The following CIB2 variants were observed in gnomAD, a reference collection of about 807,000 sequenced individuals.
The protein encoded by CIB2 is calcium and integrin-binding family member 2.
In CIB2, 19 loss-of-function variants were observed where a neutral mutation model predicts 23.1. That is an observed-to-expected ratio of 0.82 (90% CI 0.57 to 1.21). The LOEUF is 1.21. Ranked by LOEUF, CIB2 falls within the 50% of genes most tolerant of loss-of-function variation. The probability of loss-of-function intolerance (pLI) is 0.00; values close to 1 mark genes in which losing one functional copy is unlikely to be tolerated. For missense variants in CIB2, 220 were observed against 241.5 expected, an observed-to-expected ratio of 0.91 and a Z score of 0.59; for synonymous variants, 94 against 91.7, an observed-to-expected ratio of 1.03 and a Z score of -0.14.
chr15:78,113,234 C>T (rs1284445821), intron 2 of CIB2, among the ~76,000 whole-genome samples: 1 of 152,170 alleles, frequency 6.6e-6, no homozygotes, highest in African/African-American at 2.4e-5. Flanking sequence ...CAGTAAAATG[C>T]CACATGCCCA....
chr15:78,115,792 C>G (rs12438507), intron 2 of CIB2, among the ~76,000 whole-genome samples: 27,023 of 150,102 alleles, frequency 0.18, 2,864 homozygotes, highest in Non-Finnish European at 0.24. Context: ...ATTTTCCTGC[C>G]TCAACCTCCT....
Position 78,111,166 on chromosome 15 carries a change from C to G in CIB2, c.197G>C (p.Arg66Pro). ...MSLIIQMPEL[R>P]ENPFKERIVA... ...GCCAGCAAGAGGTCCTGCACATACCCGGAGCTCTGGCATCTGGATGATGAG... is the reference window on the plus strand; with the variant it reads ...GCCAGCAAGAGGTCCTGCACATACCGGGAGCTCTGGCATCTGGATGATGAG... The change falls in exon 3 of 6, where the codon CGG (arginine) becomes CCG (proline). Residue 66 changes from arginine (R) to proline (P), a missense_variant and splice_region_variant. Arg to Pro is a moderately radical substitution (Grantham distance 103). Transcript: ENST00000258930. The G allele has an allele frequency of 6.2e-7, 1 of 1,613,624 alleles. No individual in the cohort carries two copies. Among genetic ancestry groups the G allele is most frequent in the Non-Finnish European group, 8.5e-7 (1 of 1,179,596 alleles).
intron 4 of CIB2, among the ~76,000 whole-genome samples, chr15:78,106,231 G>A (rs754359720): frequency 2.6e-5 from 4 of 152,222 alleles, no homozygotes; most frequent in Non-Finnish European, 5.9e-5. Context: ...GCTTAGGCCA[G>A]ATAGCCCTTC....
intron 1 of CIB2, among the ~76,000 whole-genome samples, chr15:78,130,711 C>T (rs936779047): frequency 1.3e-5 from 2 of 152,164 alleles, no homozygotes; most frequent in East Asian, 1.9e-4. Context: ...CATGTGGGGA[C>T]TGATGCACCC....
intron 3 of CIB2, 50 bp from the exon 4 acceptor site, chr15:78,109,432 G>A (rs2141887653): frequency 6.2e-7 from 1 of 1,610,100 alleles, no homozygotes; most frequent in South Asian, 1.1e-5. Flanking sequence ...TAAGCAGGAG[G>A]GCCCCGGAGC....
intron 2 of CIB2, among the ~76,000 whole-genome samples, chr15:78,113,292 G>A (rs1181515394): frequency 6.6e-6 from 1 of 152,190 alleles, no homozygotes; most frequent in Admixed American, 6.5e-5. Flanking sequence ...TTACAAGGAT[G>A]TGCCATGACT....
intron 2 of CIB2, among the ~76,000 whole-genome samples, chr15:78,118,290 T>TC (rs2074268292): frequency 6.6e-6 from 1 of 152,158 alleles, no homozygotes; most frequent in South Asian, 2.1e-4. Context: ...TATCTTTTTT[T>TC]AACTTTAAAA....
chr15:78,124,784 G>C (rs1385120774), intron 1 of CIB2, among the ~76,000 whole-genome samples: 1 of 152,186 alleles, frequency 6.6e-6, no homozygotes, highest in Non-Finnish European at 1.5e-5. Flanking sequence ...GATGAGGAGT[G>C]AATGGCTGAA....
At position 78,131,085 on chromosome 15, in the gene CIB2, G is replaced by A; in HGVS notation, c.51+80C>T. On this transcript the variant is annotated intron_variant, in intron 1 of 5. Transcript: ENST00000258930. This position sits in a 1 kb window ranked among gnomAD's most constrained non-coding sequence, Gnocchi z 5.8. ...AACCTGGGAGAGCTGGCTCTCGGGA[G>A]GCCTCGGCCAGCGACCGAGAAAAGG... 7.7e-7 allele frequency: 1 copy of A among 1,297,910 alleles called. No homozygotes were observed. The highest frequency in any genetic ancestry group is 1.1e-6 in the Non-Finnish European group (1 of 945,420). The allele number at this position is 1,297,910 out of a possible 1,614,324, so 80.4% of individuals were successfully genotyped here. A position where few individuals can be genotyped will look rare whatever the true frequency, so the allele number is the denominator to read the frequency against.
At chr15:78,106,968 C>T (rs755466960) in intron 4 of CIB2, among the ~76,000 whole-genome samples, 4 of 152,074 alleles carry the variant, frequency 2.6e-5, no homozygotes, top group Non-Finnish European at 4.4e-5. Flanking sequence ...GTGGTTCACG[C>T]CTGTAATCCC....
intron 2 of CIB2, among the ~76,000 whole-genome samples, chr15:78,113,088 C>T (rs2074184247): frequency 6.6e-6 from 1 of 152,182 alleles, no homozygotes. Context: ...TCTTCCCCAT[C>T]CTACACAGCC....
At chr15:78,124,908 CACA>C (rs2074363050) in intron 1 of CIB2, among the ~76,000 whole-genome samples, 1 of 152,314 alleles carries the variant, frequency 6.6e-6, no homozygotes, top group South Asian at 2.1e-4. Flanking sequence ...GCAGGATGCA[CACA>C]ACATCTGGGG....
chr15:78,118,820 T>C (rs2074277853), intron 2 of CIB2, among the ~76,000 whole-genome samples: 1 of 152,074 alleles, frequency 6.6e-6, no homozygotes, highest in Non-Finnish European at 1.5e-5. Flanking sequence ...TCTGTACTAA[T>C]CAATAAGTTC....
chr15:78,105,826 A>C lies in CIB2; in HGVS notation c.455T>G (p.Val152Gly). ...EEEVVLVCDK[V>G]IEEADLDGDG... ...ACCGTCCAAGTCAGCCTCCTCAATGACCTTGTCGCACACAAGCACCACCTC... is the reference window on the plus strand; with the variant it reads ...ACCGTCCAAGTCAGCCTCCTCAATGCCCTTGTCGCACACAAGCACCACCTC... The change falls in exon 5 of 6, where the codon GTC (valine) becomes GGC (glycine). Residue 152 changes from valine to glycine, a missense_variant. Physicochemically the swap from Val to Gly is moderately radical, Grantham distance 109. Coordinates refer to ENST00000258930, the MANE Select transcript of CIB2 (RefSeq NM_006383.4). 6.2e-7 allele frequency: 1 copy of C among 1,614,020 alleles called. No individual in the cohort carries two copies. Among genetic ancestry groups the C allele is most frequent in the South Asian group, 1.1e-5 (1 of 91,070 alleles).
chr15:78,125,610 T>C (rs1190882552), intron 1 of CIB2, among the ~76,000 whole-genome samples: 2 of 152,208 alleles, frequency 1.3e-5, no homozygotes, highest in African/African-American at 4.8e-5. Flanking sequence ...AGCATCAGCC[T>C]CACTGGGAAC....
chr15:78,112,888 C>T lies in CIB2; in HGVS notation c.87-1612G>A, dbSNP rs561863581. Among the ~76,000 whole-genome samples, 16 of 152,308 alleles carry T rather than the reference C, an allele frequency of 1.1e-4. No individual in the cohort carries two copies. The South Asian group carries it at 2.5e-3, about 24-fold the overall frequency. On this transcript the variant is annotated intron_variant, in intron 2 of 5. Transcript: ENST00000258930. ...GCTGCCTACTGTCCTTAGCAAGGCACCTGACTACTTACCCAGCTCAAACAG... is the reference window on the plus strand; with the variant it reads ...GCTGCCTACTGTCCTTAGCAAGGCATCTGACTACTTACCCAGCTCAAACAG...
intron 2 of CIB2, chr15:78,120,845 G>C (rs1228955036): frequency 1.9e-6 from 1 of 521,630 alleles, no homozygotes; most frequent in African/African-American, 2.1e-5. Flanking sequence ...CATCCTGGTG[G>C]GGGTGGGGAG....
intron 4 of CIB2, among the ~76,000 whole-genome samples, 184 bp downstream of exon 4, chr15:78,109,051 C>A (rs2074112939): frequency 6.6e-6 from 1 of 152,222 alleles, no homozygotes; most frequent in Admixed American, 6.5e-5. Context: ...AGGACCCTCA[C>A]AGATGTCTCT....
Position 78,105,162 on chromosome 15 carries a change from T to C in CIB2, c.*149A>G. The C allele has an allele frequency of 1.2e-6, 1 of 814,214 alleles. No homozygotes were observed. Among genetic ancestry groups the C allele is most frequent in the East Asian group, 3.6e-5 (1 of 27,882 alleles). The allele number at this position is 814,214 out of a possible 1,614,324, so 50.4% of individuals were successfully genotyped here. A position where few individuals can be genotyped will look rare whatever the true frequency, so the allele number is the denominator to read the frequency against. The stretch of plus-strand genomic sequence containing the variant: ...TCACAGGCCCCCTTCCTGGTTAAGG[T>C]TTTTTTTTTGCTGAAAGGGCCACAG... On this transcript the variant is annotated 3_prime_UTR_variant, in exon 6 of 6. Coordinates refer to ENST00000258930, the MANE Select transcript of CIB2 (RefSeq NM_006383.4).
Sources: gnomAD v4.1 joint callset for allele counts (sites outside exome capture counted in the v4.1 genomes callset) on GRCh38, gnomAD v4.1.1 for gene constraint, Gnocchi (gnomAD v3.1) non-coding constraint, MANE v1.5 for transcripts, NCBI Gene and HGNC (gene_info 2026-07-23, HGNC 2026-07-21) for gene names.